The following KGD4 variants were observed in gnomAD, a reference collection of about 807,000 sequenced individuals.
KGD4 encodes alpha-ketoglutarate dehydrogenase component 4.
chr5:69,228,494 G>A, the KGD4 span: 2 of 1,158,838 alleles, frequency 1.7e-6, no homozygotes, highest in Non-Finnish European at 2.5e-6. Flanking sequence ...TTGTCAGAGT[G>A]TGGTCAGAGC....
At chr5:69,218,575 C>CAGCT in the KGD4 span, among the ~76,000 whole-genome samples, 1 of 152,054 alleles carries the variant, frequency 6.6e-6, no homozygotes, top group Non-Finnish European at 1.5e-5. Flanking sequence ...ATCCACCTAT[C>CAGCT]AGCTACTAAC....
At chr5:69,219,968 G>A in the KGD4 span, among the ~76,000 whole-genome samples, 1 of 152,188 alleles carries the variant, frequency 6.6e-6, no homozygotes, top group Non-Finnish European at 1.5e-5. Flanking sequence ...ACTGATGTAT[G>A]CCTGTAATCC....
chr5:69,219,444 G>C, the KGD4 span, among the ~76,000 whole-genome samples: 1 of 152,072 alleles, frequency 6.6e-6, no homozygotes, highest in African/African-American at 2.4e-5. Context: ...ACTGCCATGG[G>C]GTCCCTGGCT....
the KGD4 span, among the ~76,000 whole-genome samples, chr5:69,218,987 A>G: frequency 2.0e-5 from 3 of 152,356 alleles, no homozygotes; most frequent in Admixed American, 2.0e-4. Flanking sequence ...TAACAATTTA[A>G]AAATGGGTAA....
At chr5:69,227,513 G>T in the KGD4 span, among the ~76,000 whole-genome samples, 1 of 152,074 alleles carries the variant, frequency 6.6e-6, no homozygotes. Context: ...CAGATCCTCT[G>T]TGCCTCTCTT....
chr5:69,229,756 T>C, the KGD4 span: 2 of 152,256 alleles, frequency 1.3e-5, no homozygotes, highest in Non-Finnish European at 2.9e-5. Flanking sequence ...TATCCTACTC[T>C]GAATGATAAA....
chr5:69,225,080 GA>G, the KGD4 span, among the ~76,000 whole-genome samples: 264 of 104,930 alleles, frequency 2.5e-3, 1 homozygote, highest in Middle Eastern at 9.3e-3. Context: ...TCTGAAAAAA[GA>G]AAAAAAAAAA....
the KGD4 span, among the ~76,000 whole-genome samples, chr5:69,220,890 A>G: frequency 1.3e-5 from 2 of 152,026 alleles, no homozygotes; most frequent in Non-Finnish European, 2.9e-5. Flanking sequence ...CTTACCCCCA[A>G]CCCCGTGCTC....
At chr5:69,219,699 GA>G in the KGD4 span, among the ~76,000 whole-genome samples, 2 of 151,664 alleles carry the variant, frequency 1.3e-5, no homozygotes, top group Non-Finnish European at 2.9e-5. Flanking sequence ...TAAAAAAAAA[GA>G]AAAAAAGAGA....
the KGD4 span, among the ~76,000 whole-genome samples, chr5:69,221,384 G>A: frequency 6.6e-6 from 1 of 151,930 alleles, no homozygotes; most frequent in Non-Finnish European, 1.5e-5. Flanking sequence ...AAATAATAAA[G>A]TAAAACATTT....
the KGD4 span, chr5:69,217,861 G>C: frequency 3.1e-6 from 5 of 1,614,098 alleles, no homozygotes; most frequent in Non-Finnish European, 4.2e-6. Context: ...TCTGCTAGTA[G>C]GGTCGTTCAG....
the KGD4 span, among the ~76,000 whole-genome samples, chr5:69,223,624 G>A: frequency 1.3e-4 from 12 of 90,738 alleles, no homozygotes; most frequent in African/African-American, 4.9e-4. Context: ...ATAGTACTTT[G>A]TTCATTAGAT....
chr5:69,229,957 A>G, the KGD4 span: 8 of 151,526 alleles, frequency 5.3e-5, no homozygotes, highest in African/African-American at 1.9e-4. Flanking sequence ...TTTTTGGTTT[A>G]TTTTACTGTT....
At chr5:69,228,340 A>C in the KGD4 span, 92 of 1,601,658 alleles carry the variant, frequency 5.7e-5, no homozygotes, top group Non-Finnish European at 7.7e-5. Context: ...ATTACCTCAG[A>C]AATACAGAAG....
At chr5:69,221,122 A>G in the KGD4 span, among the ~76,000 whole-genome samples, 1 of 151,444 alleles carries the variant, frequency 6.6e-6, no homozygotes. Context: ...CCTTCTCTCC[A>G]CTATTATCCT....
chr5:69,223,830 C>T, the KGD4 span, among the ~76,000 whole-genome samples: 2 of 146,776 alleles, frequency 1.4e-5, no homozygotes, highest in Admixed American at 6.8e-5. Flanking sequence ...GGAGGCCGTT[C>T]GAAACCAGCC....
At chr5:69,224,797 G>A in the KGD4 span, among the ~76,000 whole-genome samples, 5 of 152,022 alleles carry the variant, frequency 3.3e-5, no homozygotes, top group Non-Finnish European at 5.9e-5. Context: ...AATTTCTGCC[G>A]GGTGCGGTGG....
the KGD4 span, chr5:69,229,273 T>A: frequency 6.5e-7 from 1 of 1,536,762 alleles, no homozygotes; most frequent in Non-Finnish European, 8.9e-7. Context: ...GTCTTTACAA[T>A]AAAGGACTTC....
At chr5:69,222,692 A>G in the KGD4 span, among the ~76,000 whole-genome samples, 1 of 152,116 alleles carries the variant, frequency 6.6e-6, no homozygotes, top group African/African-American at 2.4e-5. Flanking sequence ...CACTGACCTC[A>G]GCCAGTTTTC....
Sources: allele counts gnomAD v4.1 joint callset (sites outside exome capture counted in the v4.1 genomes callset), GRCh38; gene constraint gnomAD v4.1.1; transcripts MANE v1.5; gene names NCBI Gene and HGNC (gene_info 2026-07-23, HGNC 2026-07-21).